SUPT3H: variants seen among roughly 807,000 people sequenced by gnomAD.
The protein encoded by SUPT3H is SPT3 homolog, SAGA and STAGA complex component.
SUPT3H carries 44 observed loss-of-function variants against 44.3 expected under a neutral mutation model. The ratio of observed to expected loss-of-function variants is 0.99; its 90% CI spans 0.78 to 1.28. SUPT3H has a LOEUF of 1.28. Among genes scored for constraint, SUPT3H ranks in the 50% most tolerant of loss-of-function variants. The probability of loss-of-function intolerance (pLI) is 0.00; values close to 1 mark genes in which losing one functional copy is unlikely to be tolerated. For synonymous variants in SUPT3H, 124 were observed against 125.6 expected (o/e 0.99, Z 0.09); for missense variants, 380 against 387.1 (o/e 0.98, Z 0.15).
At position 45,086,226 on chromosome 6, in the gene SUPT3H, T is replaced by C. The variant is rs144888510; in HGVS notation, c.186+19696A>G. Among the ~76,000 whole-genome samples the C allele has an allele frequency of 3.0e-3, 464 of 152,206 alleles. 2 individuals carry two copies. The highest frequency in any genetic ancestry group is 4.6e-3 in the Non-Finnish European group (314 of 67,920). On this transcript the variant is annotated intron_variant, in intron 3 of 10. Coordinates refer to ENST00000371459, the MANE Select transcript of SUPT3H (RefSeq NM_003599.4). ...TTTCATTATCTGTATTGGCCAACTA[T>C]ATTTCTGACATACCAAATGCTTACT...
At chr6:45,250,514 T>C (rs184920165) in intron 2 of SUPT3H, among the ~76,000 whole-genome samples, 159 of 150,986 alleles carry the variant, frequency 1.1e-3, no homozygotes, top group Non-Finnish European at 1.8e-3. Flanking sequence ...AAGTAACAAA[T>C]GGAAAACAGG....
intron 2 of SUPT3H, among the ~76,000 whole-genome samples, chr6:45,146,911 T>C (rs947352948): frequency 1.3e-5 from 2 of 152,094 alleles, no homozygotes; most frequent in African/African-American, 2.4e-5. Flanking sequence ...CAGCAAGTTA[T>C]AGGAAAAAAG....
At chr6:44,988,788 T>C (rs1448794938) in intron 6 of SUPT3H, among the ~76,000 whole-genome samples, 1 of 152,126 alleles carries the variant, frequency 6.6e-6, no homozygotes, top group Non-Finnish European at 1.5e-5. Context: ...TATCAATATA[T>C]GCTTCCACTA....
chr6:45,092,750 CAAAAAAAAAAA>C (rs71674371), intron 3 of SUPT3H, among the ~76,000 whole-genome samples: 1 of 127,824 alleles, frequency 7.8e-6, no homozygotes, highest in Non-Finnish European at 1.6e-5. Flanking sequence ...GACTTCGTCT[CAAAAAAAAAAA>C]AAAAAAAAAA....
intron 10 of SUPT3H, among the ~76,000 whole-genome samples, chr6:44,905,690 A>C (rs931161755): frequency 6.6e-6 from 1 of 152,202 alleles, no homozygotes; most frequent in African/African-American, 2.4e-5. Context: ...AAAGGATTAT[A>C]AATCATGTTG....
intron 10 of SUPT3H, among the ~76,000 whole-genome samples, chr6:44,904,707 G>C (rs932903516): frequency 6.6e-6 from 1 of 152,080 alleles, no homozygotes; most frequent in Non-Finnish European, 1.5e-5. Context: ...AGCTTGCACC[G>C]CGAAGTCAAT....
chr6:45,226,252 ATTGTT>A (rs1766914655), intron 2 of SUPT3H, among the ~76,000 whole-genome samples: 1 of 152,148 alleles, frequency 6.6e-6, no homozygotes, highest in South Asian at 2.1e-4. Context: ...AGGCAGCTAA[ATTGTT>A]TTGCTTTCTG....
chr6:44,816,125 TGAGTCAAA>T (rs1561831534), intron 11 of SUPT3H, among the ~76,000 whole-genome samples: 1 of 152,032 alleles, frequency 6.6e-6, no homozygotes. Context: ...AAATAAGCCA[TGAGTCAAA>T]GAGAAAATCA....
rs896649827 is a variant in SUPT3H at position 45,030,478 on chromosome 6, T to C, written c.187-9846A>G. Among the ~76,000 whole-genome samples the C allele has an allele frequency of 4.6e-5, 7 of 152,194 alleles. No individual in the cohort carries two copies. The East Asian group carries it at 1.2e-3, about 25-fold the overall frequency. On this transcript the variant is annotated intron_variant, in intron 3 of 10. Coordinates refer to ENST00000371459, the MANE Select transcript of SUPT3H (RefSeq NM_003599.4). ...CTTCAAAGGACAAAAATATAACATG[T>C]AAGAGACTGAATTTCTTAGTTTTTT...
chr6:45,348,674 C>CAAAAAAA (rs574845659), intron 2 of SUPT3H, among the ~76,000 whole-genome samples: 1 of 76,030 alleles, frequency 1.3e-5, no homozygotes, highest in African/African-American at 6.1e-5. Context: ...AACTCCAACT[C>CAAAAAAA]AAAAAAAAAA....
intron 3 of SUPT3H, among the ~76,000 whole-genome samples, chr6:45,047,095 T>A (rs1251313083): frequency 6.6e-6 from 1 of 152,234 alleles, no homozygotes; most frequent in Non-Finnish European, 1.5e-5. Context: ...CTAGAAAAAC[T>A]TCTTTGGTAA....
At chr6:44,814,453 A>G (rs962246694) in intron 11 of SUPT3H, among the ~76,000 whole-genome samples, 4 of 152,164 alleles carry the variant, frequency 2.6e-5, no homozygotes, top group African/African-American at 7.2e-5. Context: ...CCCATCACAC[A>G]CACGGTAGGC....
chr6:45,063,157 AC>A (rs1165618086), intron 3 of SUPT3H, among the ~76,000 whole-genome samples: 1 of 144,174 alleles, frequency 6.9e-6, no homozygotes, highest in Admixed American at 7.0e-5. Flanking sequence ...CTGACCCCTG[AC>A]CCCCGAGCAG....
intron 9 of SUPT3H, among the ~76,000 whole-genome samples, chr6:44,942,399 T>C (rs1772592224): frequency 6.6e-6 from 1 of 152,138 alleles, no homozygotes; most frequent in African/African-American, 2.4e-5. Context: ...AGTGGGTGGA[T>C]TTCCTGTCTT....
intron 6 of SUPT3H, among the ~76,000 whole-genome samples, chr6:44,977,328 T>C (rs957646135): frequency 6.6e-6 from 1 of 152,242 alleles, no homozygotes; most frequent in Non-Finnish European, 1.5e-5. Context: ...TTTAAAGTTT[T>C]ATGTATACTG....
chr6:45,295,933 AC>A (rs1321392433), intron 2 of SUPT3H, among the ~76,000 whole-genome samples: 3 of 152,132 alleles, frequency 2.0e-5, no homozygotes, highest in African/African-American at 7.2e-5. Context: ...TCTTTAAAGA[AC>A]TAAAAGTAGA....
chr6:44,931,161 T>A (rs934586844), intron 10 of SUPT3H, among the ~76,000 whole-genome samples: 1 of 152,222 alleles, frequency 6.6e-6, no homozygotes, highest in Non-Finnish European at 1.5e-5. Context: ...TTGTATCAGA[T>A]ACATTTTCCT....
At chr6:44,886,528 G>C (rs1762321972) in intron 10 of SUPT3H, among the ~76,000 whole-genome samples, 1 of 152,150 alleles carries the variant, frequency 6.6e-6, no homozygotes, top group Non-Finnish European at 1.5e-5. Flanking sequence ...AGCTTCAGAA[G>C]TGAAGGAGAA....
At chr6:45,141,110 C>T (rs561616823) in intron 2 of SUPT3H, among the ~76,000 whole-genome samples, 8 of 151,924 alleles carry the variant, frequency 5.3e-5, no homozygotes, top group African/African-American at 1.7e-4. Flanking sequence ...GAGGCCAAGG[C>T]GGGTGGATCA....
Sources: allele counts gnomAD v4.1 joint callset (sites outside exome capture counted in the v4.1 genomes callset), GRCh38; gene constraint gnomAD v4.1.1; transcripts MANE v1.5; gene names NCBI Gene and HGNC (gene_info 2026-07-23, HGNC 2026-07-21).